EIF2B3: variants seen among roughly 807,000 people sequenced by gnomAD.
The protein encoded by EIF2B3 is eukaryotic translation initiation factor 2B subunit gamma, also known as translation initiation factor eIF2B subunit gamma.
A neutral mutation model predicts 54.1 loss-of-function variants in EIF2B3; 20 were observed. The ratio of observed to expected loss-of-function variants is 0.37; its 90% CI spans 0.26 to 0.54. The LOEUF is 0.54. Among genes scored for constraint, EIF2B3 ranks in the 20% least tolerant of loss-of-function variants. EIF2B3 has a pLI of 0.86. For synonymous variants in EIF2B3, 153 were observed against 188.1 expected (o/e 0.81, Z 1.52); for missense variants, 448 against 547.8 (o/e 0.82, Z 1.82).
chr1:44,956,159 A>G (rs1644222435), intron 3 of EIF2B3, among the ~76,000 whole-genome samples: 1 of 152,222 alleles, frequency 6.6e-6, no homozygotes. Flanking sequence ...TGTGGCACTT[A>G]TACACCATGG....
chr1:44,851,495 A>G (rs753592698), intron 11 of EIF2B3, among the ~76,000 whole-genome samples: 2 of 152,196 alleles, frequency 1.3e-5, no homozygotes, highest in African/African-American at 4.8e-5. Context: ...GATGGGACCA[A>G]CTGTCTATAT....
At chr1:44,977,045 C>T (rs1644459991) in intron 3 of EIF2B3, among the ~76,000 whole-genome samples, 3 of 152,142 alleles carry the variant, frequency 2.0e-5, no homozygotes, top group Non-Finnish European at 2.9e-5. Flanking sequence ...TACATATTTG[C>T]ATTAATTTTT....
At chr1:44,983,853 T>C (rs1332015988) in intron 1 of EIF2B3, among the ~76,000 whole-genome samples, 2 of 151,644 alleles carry the variant, frequency 1.3e-5, no homozygotes, top group South Asian at 2.1e-4. Flanking sequence ...ATTACAGGCA[T>C]CCGCCACCAT....
chr1:44,857,765 G>C lies in EIF2B3; in HGVS notation c.1245C>G (p.Ile415Met), dbSNP rs547795033. 2.5e-6 allele frequency: 4 copies of C among 1,613,972 alleles called. No homozygotes were observed. The African/African-American group carries it at 4.0e-5, about 16-fold the overall frequency. ...QGSVICNNAV[I>M]EKGADIKDCL... ...AGTCCTTGATGTCTGCACCCTTCTC[G>C]ATCACAGCATTGTTGCAGATGACAC... Residue 415 changes from isoleucine to methionine, a missense_variant, in exon 11 of 12, where the codon ATC (isoleucine) becomes ATG (methionine). Coordinates refer to ENST00000360403, the MANE Select transcript of EIF2B3 (RefSeq NM_020365.5).
chr1:44,924,500 G>C (rs1643814298), intron 5 of EIF2B3, among the ~76,000 whole-genome samples: 1 of 152,078 alleles, frequency 6.6e-6, no homozygotes, highest in Admixed American at 6.6e-5. Context: ...CAATTCTCCT[G>C]CCTCAGCCTC....
At chr1:44,874,889 G>T in intron 9 of EIF2B3, 63 bp from the exon 10 acceptor site, 1 of 1,599,560 alleles carries the variant, frequency 6.3e-7, no homozygotes, top group Non-Finnish European at 8.6e-7. Context: ...CCACCCTCCA[G>T]ATCCCTCAAG....
chr1:44,980,902 G>A (rs750307734), intron 2 of EIF2B3, 119 bp downstream of exon 2: 1 of 1,224,280 alleles, frequency 8.2e-7, no homozygotes, highest in Non-Finnish European at 1.2e-6. Context: ...CCTTAAAGAA[G>A]GCAGTCTTCA....
At chr1:44,910,651 TTTTTTTAA>T (rs1255986041) in intron 5 of EIF2B3, among the ~76,000 whole-genome samples, 7 of 121,028 alleles carry the variant, frequency 5.8e-5, no homozygotes, top group African/African-American at 2.7e-4. Flanking sequence ...TTTTTTTTTT[TTTTTTTAA>T]AAGAGAGAAA....
intron 3 of EIF2B3, among the ~76,000 whole-genome samples, chr1:44,969,654 G>C (rs2148959446): frequency 6.6e-6 from 1 of 152,236 alleles, no homozygotes; most frequent in East Asian, 1.9e-4. Context: ...GTAAAATATA[G>C]ATAAAATAAG....
At chr1:44,926,891 T>C (rs1476807049) in intron 4 of EIF2B3, 152 bp from the exon 5 acceptor site, 1 of 712,744 alleles carries the variant, frequency 1.4e-6, no homozygotes, top group East Asian at 2.8e-5. Flanking sequence ...TCCCAAGACT[T>C]TGGGAGGCCA....
At position 44,874,817 on chromosome 1, in the gene EIF2B3, C is replaced by A; in HGVS notation, c.1063G>T (p.Asp355Tyr). The change falls in exon 10 of 12, where the codon GAC (aspartate) becomes TAC (tyrosine). Residue 355 changes from aspartate to tyrosine, a missense_variant. Transcript: ENST00000360403. ...TGTGTCTCTGGCCCAATGAGGCTGT[C>A]AACTCCAACCTGTAAAAGGCAAAAT... ...QIVSKHLVGV[D>Y]SLIGPETQIG... 6.2e-7 allele frequency: 1 copy of A among 1,614,108 alleles called. No homozygotes were observed. Among genetic ancestry groups the A allele is most frequent in the South Asian group, 1.1e-5 (1 of 91,066 alleles).
At chr1:44,911,310 G>A (rs1002405072) in intron 5 of EIF2B3, among the ~76,000 whole-genome samples, 18 of 152,164 alleles carry the variant, frequency 1.2e-4, no homozygotes, top group Middle Eastern at 6.3e-3. Flanking sequence ...TCACTGGGGT[G>A]TGGATTATAA....
chr1:44,891,371 C>G (rs1174423561), intron 6 of EIF2B3, among the ~76,000 whole-genome samples: 1 of 152,156 alleles, frequency 6.6e-6, no homozygotes, highest in Non-Finnish European at 1.5e-5. Context: ...AGTAATCCTT[C>G]CTGCTTCAGC....
chr1:44,883,106 T>C (rs1239309379), intron 6 of EIF2B3, among the ~76,000 whole-genome samples: 1 of 151,192 alleles, frequency 6.6e-6, no homozygotes, highest in Non-Finnish European at 1.5e-5. Flanking sequence ...TTTTTGTATT[T>C]TGAGTAGAGA....
At chr1:44,977,449 A>C (rs1173248939) in intron 3 of EIF2B3, among the ~76,000 whole-genome samples, 1 of 151,988 alleles carries the variant, frequency 6.6e-6, no homozygotes, top group African/African-American at 2.4e-5. Flanking sequence ...GAATCTTTTG[A>C]AGTACATTTA....
At chr1:44,933,126 A>C in intron 4 of EIF2B3, among the ~76,000 whole-genome samples, 1 of 152,176 alleles carries the variant, frequency 6.6e-6, no homozygotes, top group African/African-American at 2.4e-5. Flanking sequence ...AATTCACACA[A>C]TTGGAGCTTG....
intron 4 of EIF2B3, chr1:44,932,426 TAAACAAAC>T (rs751045576): frequency 2.0e-5 from 3 of 152,146 alleles, no homozygotes; most frequent in African/African-American, 7.2e-5. Flanking sequence ...TACCATGTGA[TAAACAAAC>T]AAACAAACAA....
intron 5 of EIF2B3, among the ~76,000 whole-genome samples, chr1:44,903,690 G>GT (rs1374756625): frequency 1.3e-5 from 2 of 152,220 alleles, no homozygotes; most frequent in Non-Finnish European, 2.9e-5. Context: ...GAATGAGACC[G>GT]TAAGAATTTC....
At chr1:44,923,179 G>C (rs549299167) in intron 5 of EIF2B3, among the ~76,000 whole-genome samples, 25 of 152,158 alleles carry the variant, frequency 1.6e-4, no homozygotes, top group Admixed American at 3.9e-4. Flanking sequence ...CAGATAATTT[G>C]ACTTCTTCCT....
Sources: gnomAD v4.1 joint callset for allele counts (sites outside exome capture counted in the v4.1 genomes callset) on GRCh38, gnomAD v4.1.1 for gene constraint, MANE v1.5 for transcripts, NCBI Gene and HGNC (gene_info 2026-07-23, HGNC 2026-07-21) for gene names.